The following BTAF1 variants were observed in gnomAD, a reference collection of about 807,000 sequenced individuals.
The protein encoded by BTAF1 is TATA-binding protein-associated factor 172.
BTAF1 carries 38 observed loss-of-function variants against 227.1 expected under a neutral mutation model. That is an observed-to-expected ratio of 0.17 (90% CI 0.13 to 0.22). The LOEUF (loss-of-function observed/expected upper bound fraction) is 0.22. Among genes scored for constraint, BTAF1 ranks in the 10% least tolerant of loss-of-function variants. The pLI is 1.00. For synonymous variants in BTAF1, 742 were observed against 751.9 expected, an observed-to-expected ratio of 0.99 and a Z score of 0.21; for missense variants, 1,598 against 2,204.0, an observed-to-expected ratio of 0.73 and a Z score of 5.51.
chr10:91,954,913 T>C (rs1391011044), intron 6 of BTAF1, among the ~76,000 whole-genome samples: 2 of 152,200 alleles, frequency 1.3e-5, no homozygotes, highest in Non-Finnish European at 2.9e-5. Flanking sequence ...TCTTTAGTGG[T>C]GCTCAGGAAA....
intron 12 of BTAF1, 102 bp downstream of exon 12, chr10:91,962,780 A>G: frequency 8.7e-7 from 1 of 1,154,342 alleles, no homozygotes; most frequent in East Asian, 2.7e-5. Flanking sequence ...CTTCATCTTC[A>G]ATTTTTTTTT....
chr10:91,961,267 T>C (rs1846489877), intron 11 of BTAF1, among the ~76,000 whole-genome samples: 1 of 152,168 alleles, frequency 6.6e-6, no homozygotes, highest in African/African-American at 2.4e-5. Flanking sequence ...ACTTTCCAGT[T>C]AGGATCAGCA....
chr10:92,006,019 C>G (rs1849853946), intron 25 of BTAF1, among the ~76,000 whole-genome samples: 2 of 151,804 alleles, frequency 1.3e-5, no homozygotes, highest in African/African-American at 4.8e-5. Flanking sequence ...GACTACAGTC[C>G]CATGTCACCA....
At chr10:91,932,410 A>T (rs924998128) in intron 1 of BTAF1, among the ~76,000 whole-genome samples, 4 of 152,240 alleles carry the variant, frequency 2.6e-5, no homozygotes, top group African/African-American at 9.6e-5. Flanking sequence ...AGCAGGAAAA[A>T]AAAAGGTAAT....
chr10:91,936,123 T>C (rs1844591808), intron 2 of BTAF1, among the ~76,000 whole-genome samples: 1 of 152,194 alleles, frequency 6.6e-6, no homozygotes, highest in Admixed American at 6.5e-5. Flanking sequence ...TCATGGGCAA[T>C]GATTGAAATA....
intron 28 of BTAF1, among the ~76,000 whole-genome samples, chr10:92,010,508 C>G (rs1434699123): frequency 6.6e-6 from 1 of 152,166 alleles, no homozygotes; most frequent in African/African-American, 2.4e-5. Flanking sequence ...CTTATTGTTA[C>G]TATTGGGCTT....
At chr10:91,979,887 T>C (rs1388558618) in intron 14 of BTAF1, among the ~76,000 whole-genome samples, 1 of 152,168 alleles carries the variant, frequency 6.6e-6, no homozygotes, top group Non-Finnish European at 1.5e-5. Flanking sequence ...TTATATGTTT[T>C]TCTGATAACA....
At chr10:92,021,116 T>C (rs1020353280) in intron 34 of BTAF1, among the ~76,000 whole-genome samples, 6 of 152,200 alleles carry the variant, frequency 3.9e-5, no homozygotes, top group Admixed American at 1.3e-4. Flanking sequence ...AATCTAAATA[T>C]GTATATGCTG....
chr10:91,970,610 C>T (rs1847225210), intron 14 of BTAF1, among the ~76,000 whole-genome samples: 1 of 152,220 alleles, frequency 6.6e-6, no homozygotes, highest in African/African-American at 2.4e-5. Flanking sequence ...TTATCTCCCA[C>T]TGGGTCCCTA....
chr10:91,984,952 G>T (rs1161375096), intron 19 of BTAF1, among the ~76,000 whole-genome samples: 1 of 151,702 alleles, frequency 6.6e-6, no homozygotes, highest in African/African-American at 2.4e-5. Context: ...TATACTTCAG[G>T]ATTTTATATA....
At chr10:91,956,742 C>G (rs1846116006) in intron 7 of BTAF1, 85 bp downstream of exon 7, 1 of 1,442,034 alleles carries the variant, frequency 6.9e-7, no homozygotes, top group Admixed American at 2.1e-5. Flanking sequence ...GTAATCCCAG[C>G]ACTTTGGGAG....
rs566533204 is a variant in BTAF1, at chr10:91,928,718, C to T, written c.14+4628C>T. ...CAACGGTAAAAGCAACCTTTGCGAT[C>T]GCAGCACTGCACTCCAGCCTGGGCA... On this transcript the variant is annotated intron_variant, in intron 1 of 37. Coordinates refer to ENST00000265990, the MANE Select transcript of BTAF1 (RefSeq NM_003972.3). Among the ~76,000 whole-genome samples, 9 of 151,530 alleles carry T rather than the reference C, an allele frequency of 5.9e-5. No individual in the cohort carries two copies. In the South Asian group the frequency reaches 1.7e-3, roughly 28 times the overall value.
intron 25 of BTAF1, among the ~76,000 whole-genome samples, chr10:92,007,788 A>T (rs988499346): frequency 2.6e-5 from 4 of 152,254 alleles, no homozygotes; most frequent in Non-Finnish European, 5.9e-5. Context: ...GAGAGCTAAT[A>T]CCCTAGGGTA....
chr10:91,982,142 G>A lies in BTAF1; in HGVS notation c.1965G>A (p.Glu655=). Residue 655 remains glutamate, a synonymous_variant, in exon 17 of 38, where the codon GAG becomes GAA. Transcript: ENST00000265990. ...GQSQNKEVLQ[E]YIAGADTIME... ...GCCAGAATAAAGAAGTACTTCAGGA[G>A]TATATTGCAGGTGCCGACACCATCA... 1 of 1,613,956 alleles carries A rather than the reference G, an allele frequency of 6.2e-7. No homozygotes were observed. The highest frequency in any genetic ancestry group is 8.5e-7 in the Non-Finnish European group (1 of 1,179,930).
intron 5 of BTAF1, 87 bp from the exon 6 acceptor site, chr10:91,953,650 A>G (rs1271410916): frequency 2.8e-6 from 4 of 1,435,882 alleles, no homozygotes; most frequent in South Asian, 1.3e-5. Context: ...ACTGAAATTT[A>G]TAGACTTGGT....
intron 25 of BTAF1, among the ~76,000 whole-genome samples, chr10:92,002,897 C>A (rs146047018): frequency 2.0e-4 from 30 of 152,224 alleles, no homozygotes; most frequent in African/African-American, 7.2e-4. Context: ...TGGTGGCTCA[C>A]GCCTGTAATC....
chr10:92,013,432 A>G (rs1850504553), intron 30 of BTAF1, among the ~76,000 whole-genome samples: 1 of 152,206 alleles, frequency 6.6e-6, no homozygotes, highest in African/African-American at 2.4e-5. Flanking sequence ...CTGTGGACCA[A>G]GGCTTATTCT....
chr10:92,011,446 T>A (rs763661183), intron 30 of BTAF1, 31 bp downstream of exon 30: 3 of 1,039,408 alleles, frequency 2.9e-6, no homozygotes, highest in Non-Finnish European at 3.7e-6. Flanking sequence ...TTTTTAATTA[T>A]TTTTATTTTT....
chr10:92,015,384 A>G (rs1278248496), intron 32 of BTAF1, among the ~76,000 whole-genome samples: 2 of 152,330 alleles, frequency 1.3e-5, no homozygotes, highest in East Asian at 1.9e-4. Flanking sequence ...ATACCCAGAA[A>G]CTTACTTTTC....
Sources: allele counts gnomAD v4.1 joint callset (sites outside exome capture counted in the v4.1 genomes callset), GRCh38; gene constraint gnomAD v4.1.1; transcripts MANE v1.5; gene names NCBI Gene and HGNC (gene_info 2026-07-23, HGNC 2026-07-21).